The following SPIDR variants were observed in gnomAD, a reference collection of about 807,000 sequenced individuals.
SPIDR encodes DNA repair-scaffolding protein.
In SPIDR, 93 loss-of-function variants were observed where a neutral mutation model predicts 104.6. That is an observed-to-expected ratio of 0.89 (90% CI 0.75 to 1.06). The LOEUF (loss-of-function observed/expected upper bound fraction) is 1.06, where lower values mean the gene tolerates loss of function less well. Among genes scored for constraint, SPIDR ranks in the 50% least tolerant of loss-of-function variants. The probability of loss-of-function intolerance (pLI) is 0.00; values close to 1 mark genes in which losing one functional copy is unlikely to be tolerated. For missense variants in SPIDR, 1,154 were observed against 1,111.2 expected (o/e 1.04, Z -0.55); for synonymous variants, 431 against 416.9 (o/e 1.03, Z -0.41).
At chr8:47,733,066 C>T (rs943170329) in intron 19 of SPIDR, among the ~76,000 whole-genome samples, 5 of 152,140 alleles carry the variant, frequency 3.3e-5, no homozygotes, top group Admixed American at 6.6e-5. Flanking sequence ...TTGTTTAAAC[C>T]TCTCCATGTT....
At chr8:47,471,526 A>T (rs1410539719) in intron 8 of SPIDR, among the ~76,000 whole-genome samples, 3 of 152,190 alleles carry the variant, frequency 2.0e-5, no homozygotes, top group Non-Finnish European at 4.4e-5. Context: ...GTTGGCAAAG[A>T]TGCAAAGAAA....
chr8:47,329,144 C>G (rs1227493168), intron 5 of SPIDR, among the ~76,000 whole-genome samples: 1 of 151,322 alleles, frequency 6.6e-6, no homozygotes, highest in African/African-American at 2.4e-5. Flanking sequence ...AATCTCAGCT[C>G]ACTGCAACCT....
At chr8:47,700,574 A>G (rs932031656) in intron 12 of SPIDR, 84 bp downstream of exon 12, 2 of 1,362,202 alleles carry the variant, frequency 1.5e-6, no homozygotes, top group Admixed American at 3.4e-5. Context: ...TGTCACTCAC[A>G]TGGTCTGTGT....
At chr8:47,635,146 G>T (rs745866532) in intron 10 of SPIDR, among the ~76,000 whole-genome samples, 1 of 151,774 alleles carries the variant, frequency 6.6e-6, no homozygotes, top group Non-Finnish European at 1.5e-5. Flanking sequence ...GTGGGAGGCC[G>T]CCAACATGGT....
At chr8:47,484,973 C>G (rs2077351142) in intron 8 of SPIDR, among the ~76,000 whole-genome samples, 1 of 152,176 alleles carries the variant, frequency 6.6e-6, no homozygotes, top group Non-Finnish European at 1.5e-5. Context: ...CCGGGTTCAT[C>G]TCACTTGGGC....
chr8:47,311,836 A>T (rs1191535426), intron 5 of SPIDR, among the ~76,000 whole-genome samples: 1 of 152,106 alleles, frequency 6.6e-6, no homozygotes, highest in Non-Finnish European at 1.5e-5. Flanking sequence ...ATCATTTAAC[A>T]TTAGGTATAC....
chr8:47,453,176 A>G (rs1308561385), intron 8 of SPIDR, among the ~76,000 whole-genome samples: 2 of 152,222 alleles, frequency 1.3e-5, no homozygotes, highest in African/African-American at 4.8e-5. Context: ...GACCTCTTCA[A>G]GGAGAACTAC....
intron 5 of SPIDR, among the ~76,000 whole-genome samples, chr8:47,306,095 A>T (rs1278715941): frequency 6.6e-6 from 1 of 152,114 alleles, no homozygotes; most frequent in Non-Finnish European, 1.5e-5. Context: ...TGACTGGTTT[A>T]TTTCACTTAG....
intron 5 of SPIDR, among the ~76,000 whole-genome samples, chr8:47,363,964 A>G (rs782707632): frequency 4.6e-5 from 7 of 152,032 alleles, no homozygotes; most frequent in Admixed American, 6.6e-5. Context: ...AACGTGGTAG[A>G]TACCCCTGTA....
chr8:47,395,016 G>T (rs1178478962), intron 5 of SPIDR, among the ~76,000 whole-genome samples: 1 of 152,058 alleles, frequency 6.6e-6, no homozygotes. Flanking sequence ...CAGTTTTTTT[G>T]ACGAGGTATG....
At chr8:47,446,549 A>G (rs1047285693) in intron 8 of SPIDR, among the ~76,000 whole-genome samples, 5 of 151,692 alleles carry the variant, frequency 3.3e-5, no homozygotes, top group African/African-American at 1.2e-4. Context: ...TGACTTTTCA[A>G]GTCTTGCTTT....
intron 14 of SPIDR, among the ~76,000 whole-genome samples, chr8:47,712,291 C>T (rs376585445): frequency 6.6e-6 from 1 of 152,148 alleles, no homozygotes; most frequent in Non-Finnish European, 1.5e-5. Context: ...AGGAAACTTA[C>T]AACTGGCTGG....
chr8:47,596,959 C>T (rs776534593), intron 9 of SPIDR, among the ~76,000 whole-genome samples: 3 of 152,142 alleles, frequency 2.0e-5, no homozygotes, highest in Non-Finnish European at 4.4e-5. Flanking sequence ...TCTTGTCCCA[C>T]TGGAATGTGT....
intron 2 of SPIDR, among the ~76,000 whole-genome samples, chr8:47,281,076 A>G (rs2037682311): frequency 6.6e-6 from 1 of 152,252 alleles, no homozygotes; most frequent in Admixed American, 6.5e-5. Flanking sequence ...CCCAGTGCCT[A>G]TAAAAGTTAT....
At chr8:47,535,037 A>G (rs527338356) in intron 8 of SPIDR, among the ~76,000 whole-genome samples, 5 of 152,314 alleles carry the variant, frequency 3.3e-5, no homozygotes, top group African/African-American at 1.2e-4. Flanking sequence ...CAAATTCATT[A>G]ACCTAGTTGA....
intron 8 of SPIDR, among the ~76,000 whole-genome samples, chr8:47,448,707 C>T (rs1217334973): frequency 2.0e-5 from 3 of 151,590 alleles, no homozygotes; most frequent in Non-Finnish European, 4.4e-5. Context: ...GACTACAGAC[C>T]GAGAGATAGG....
chr8:47,520,759 A>T (rs2083938122), intron 8 of SPIDR, among the ~76,000 whole-genome samples: 1 of 152,222 alleles, frequency 6.6e-6, no homozygotes, highest in Non-Finnish European at 1.5e-5. Flanking sequence ...CCACCAGTGG[A>T]TCACAAAGCT....
chr8:47,500,869 A>G (rs1404595659), intron 8 of SPIDR, among the ~76,000 whole-genome samples: 1 of 152,232 alleles, frequency 6.6e-6, no homozygotes, highest in Non-Finnish European at 1.5e-5. Context: ...ATGGCTAGCC[A>G]GTTTTCCCAG....
intron 8 of SPIDR, among the ~76,000 whole-genome samples, chr8:47,559,887 C>G (rs369605661): frequency 6.6e-6 from 1 of 152,144 alleles, no homozygotes; most frequent in East Asian, 1.9e-4. Flanking sequence ...TTGTTGGTCT[C>G]GCTTTTAAGT....
Sources: allele counts gnomAD v4.1 joint callset (sites outside exome capture counted in the v4.1 genomes callset), GRCh38; gene constraint gnomAD v4.1.1; transcripts MANE v1.5; gene names NCBI Gene and HGNC (gene_info 2026-07-23, HGNC 2026-07-21).